The following HSD17B12 variants were observed in gnomAD, a reference collection of about 807,000 sequenced individuals.
The protein encoded by HSD17B12 is very-long-chain 3-oxoacyl-CoA reductase.
Under a neutral mutation model 39.3 loss-of-function variants are expected in HSD17B12, and 32 were observed. That is an observed-to-expected ratio of 0.81 (90% CI 0.61 to 1.09). The LOEUF is 1.09. HSD17B12 is among the 50% of genes least tolerant of loss of function. HSD17B12 has a pLI of 0.00. For missense variants in HSD17B12, 342 were observed against 382.9 expected (o/e 0.89, Z 0.89); for synonymous variants, 150 against 146.7 (o/e 1.02, Z -0.16).
intron 1 of HSD17B12, among the ~76,000 whole-genome samples, chr11:43,741,170 A>G (rs1950361005): frequency 6.6e-6 from 1 of 152,238 alleles, no homozygotes; most frequent in Non-Finnish European, 1.5e-5. Flanking sequence ...TATCTTAGGT[A>G]CCACATTGAT....
intron 7 of HSD17B12, among the ~76,000 whole-genome samples, chr11:43,836,777 T>C (rs1203513549): frequency 2.6e-5 from 4 of 152,166 alleles, no homozygotes; most frequent in African/African-American, 9.7e-5. Context: ...AGATATTCAT[T>C]GCTAATTTAC....
rs138150507 is a variant in HSD17B12, at chr11:43,819,658, C to T, written c.501+3267C>T. On this transcript the variant is annotated intron_variant, in intron 6 of 10. Coordinates refer to ENST00000278353, the MANE Select transcript of HSD17B12 (RefSeq NM_016142.3). ...CTTCTTCATTCTTCATTGACATTGG[C>T]ATATATACTTGTTCCCATGAAATGA... Among the ~76,000 whole-genome samples the T allele has an allele frequency of 2.4e-3, 367 of 152,296 alleles. 3 individuals carry two copies. The highest frequency in any genetic ancestry group is 8.4e-3 in the African/African-American group (348 of 41,566).
At chr11:43,642,652 AAG>A in the HSD17B12 span, among the ~76,000 whole-genome samples, 1 of 151,890 alleles carries the variant, frequency 6.6e-6, no homozygotes, top group African/African-American at 2.4e-5. Flanking sequence ...GCTATTAAAA[AAG>A]AGAGGGGAAA....
intron 1 of HSD17B12, among the ~76,000 whole-genome samples, chr11:43,725,301 G>A (rs1397073565): frequency 6.6e-6 from 1 of 152,116 alleles, no homozygotes; most frequent in Non-Finnish European, 1.5e-5. Flanking sequence ...TATTGCAAAG[G>A]TTAAAAAAGA....
chr11:43,582,228 T>C, the HSD17B12 span, among the ~76,000 whole-genome samples: 1 of 152,138 alleles, frequency 6.6e-6, no homozygotes, highest in Non-Finnish European at 1.5e-5. Flanking sequence ...GAAGGAGCTT[T>C]GGAGAGATGC....
chr11:43,713,677 T>A lies in HSD17B12; in HGVS notation c.160+32690T>A, dbSNP rs181787358. On this transcript the variant is annotated intron_variant, in intron 1 of 10. Transcript: ENST00000278353. The stretch of plus-strand genomic sequence containing the variant: ...TAGCTGGGTCAAATGGTATTTCTAG[T>A]TCTAGATCCCTGAGGAATCGCCACA... Among the ~76,000 whole-genome samples the A allele has an allele frequency of 2.2e-3, 334 of 152,306 alleles. 5 individuals carry two copies. The East Asian group carries it at 0.042, about 19-fold the overall frequency.
At chr11:43,680,658 C>G, upstream of HSD17B12, 2 of 651,474 alleles carry the variant, frequency 3.1e-6, no homozygotes, top group Non-Finnish European at 5.6e-6. Context: ...GAGGGAAAGA[C>G]GGGTCACCAA....
At chr11:43,692,547 G>A (rs1949872383) in intron 1 of HSD17B12, among the ~76,000 whole-genome samples, 2 of 152,118 alleles carry the variant, frequency 1.3e-5, no homozygotes, top group Admixed American at 1.3e-4. Context: ...TATAAATTTG[G>A]TAGTATATTT....
intron 9 of HSD17B12, 102 bp from the exon 10 acceptor site, chr11:43,854,613 G>A: frequency 7.9e-7 from 1 of 1,258,362 alleles, no homozygotes. Flanking sequence ...TAAAGATACA[G>A]ATGTTTCTAC....
At chr11:43,571,305 A>C in the HSD17B12 span, among the ~76,000 whole-genome samples, 2 of 152,298 alleles carry the variant, frequency 1.3e-5, no homozygotes, top group African/African-American at 4.8e-5. Context: ...CTCTGTGGCC[A>C]TGCTTCCCAA....
chr11:43,611,550 T>C, the HSD17B12 span, among the ~76,000 whole-genome samples: 1 of 152,234 alleles, frequency 6.6e-6, no homozygotes, highest in African/African-American at 2.4e-5. Flanking sequence ...GCTGGATTTT[T>C]ATCTTAATCC....
At chr11:43,798,926 T>C (rs1878850) in intron 4 of HSD17B12, among the ~76,000 whole-genome samples, 99,542 of 152,000 alleles carry the variant, frequency 0.65, 32,939 homozygotes, top group East Asian at 0.75. Flanking sequence ...TTTATCCCCC[T>C]GATATTTTTG....
the HSD17B12 span, among the ~76,000 whole-genome samples, chr11:43,615,749 T>C: frequency 2.6e-5 from 4 of 152,338 alleles, no homozygotes; most frequent in East Asian, 7.7e-4. Context: ...TGGTGCTAAT[T>C]ACTCCATCAC....
intron 1 of HSD17B12, among the ~76,000 whole-genome samples, chr11:43,750,215 C>A (rs769976642): frequency 2.0e-4 from 31 of 152,200 alleles, no homozygotes; most frequent in Admixed American, 3.3e-4. Context: ...GGAAGATTCC[C>A]GTATTGCCCT....
At chr11:43,699,961 A>G (rs1448809518) in intron 1 of HSD17B12, among the ~76,000 whole-genome samples, 1 of 152,192 alleles carries the variant, frequency 6.6e-6, no homozygotes, top group Non-Finnish European at 1.5e-5. Context: ...ACAGGACATT[A>G]TCAAGCACTG....
the HSD17B12 span, among the ~76,000 whole-genome samples, chr11:43,608,362 C>CAA: frequency 0.032 from 3,901 of 122,998 alleles, 171 homozygotes; most frequent in African/African-American, 0.12. Context: ...GACTCTGTCT[C>CAA]AAAAAAAAAA....
At chr11:43,654,692 G>T in the HSD17B12 span, among the ~76,000 whole-genome samples, 1 of 152,156 alleles carries the variant, frequency 6.6e-6, no homozygotes, top group South Asian at 2.1e-4. Context: ...GTTTGTCAAA[G>T]ATCAGATGGT....
the HSD17B12 span, among the ~76,000 whole-genome samples, chr11:43,628,458 T>C: frequency 6.6e-6 from 1 of 152,080 alleles, no homozygotes; most frequent in East Asian, 1.9e-4. Flanking sequence ...CCCCCCAATT[T>C]TTCAGGTTAC....
chr11:43,634,075 CAAAAAAAAAAAAAAAAA>C, the HSD17B12 span, among the ~76,000 whole-genome samples: 861 of 37,610 alleles, frequency 0.023, 20 homozygotes, highest in African/African-American at 0.092. Context: ...AACTCCATCT[CAAAAAAAAAAAAAAAAA>C]AAAAAAAAAA....
Sources: gnomAD v4.1 joint callset for allele counts (sites outside exome capture counted in the v4.1 genomes callset) on GRCh38, gnomAD v4.1.1 for gene constraint, MANE v1.5 for transcripts, NCBI Gene and HGNC (gene_info 2026-07-23, HGNC 2026-07-21) for gene names.